PTPRG: variants seen among roughly 807,000 people sequenced by gnomAD.
PTPRG encodes protein tyrosine phosphatase receptor type G, also known as receptor-type tyrosine-protein phosphatase gamma.
In PTPRG, 102 loss-of-function variants were observed where a neutral mutation model predicts 165.3. The ratio of observed to expected loss-of-function variants is 0.62; its 90% confidence interval spans 0.53 to 0.73. The LOEUF is 0.73. PTPRG is among the 30% of genes least tolerant of loss of function. PTPRG has a pLI of 0.00. For missense variants in PTPRG, 1,866 were observed against 1,861.4 expected (o/e 1.00, Z -0.05); for synonymous variants, 675 against 669.5 (o/e 1.01, Z -0.13).
At chr3:61,746,045 CTT>C (rs1283432530) in intron 1 of PTPRG, among the ~76,000 whole-genome samples, 1 of 100,276 alleles carries the variant, frequency 1.0e-5, no homozygotes, top group African/African-American at 3.7e-5. Context: ...CTTTCTTTTT[CTT>C]TTCTTTTTTT....
At chr3:61,790,785 C>G (rs1257221422) in intron 2 of PTPRG, among the ~76,000 whole-genome samples, 1 of 143,314 alleles carries the variant, frequency 7.0e-6, no homozygotes, top group East Asian at 2.1e-4. Context: ...TCCTGAAATT[C>G]AGTTATTCAC....
intron 2 of PTPRG, among the ~76,000 whole-genome samples, chr3:61,887,145 TA>T (rs2038066382): frequency 1.8e-5 from 1 of 56,488 alleles, no homozygotes; most frequent in East Asian, 4.2e-4. Flanking sequence ...TATATATATA[TA>T]TATATATATA....
chr3:62,024,110 TTGAC>T (rs777700512), intron 4 of PTPRG, among the ~76,000 whole-genome samples: 4 of 152,184 alleles, frequency 2.6e-5, no homozygotes, highest in Non-Finnish European at 5.9e-5. Flanking sequence ...AAATATTTTT[TTGAC>T]TGACAACTAT....
intron 2 of PTPRG, among the ~76,000 whole-genome samples, chr3:61,884,904 C>T (rs571265189): frequency 6.6e-6 from 1 of 152,190 alleles, no homozygotes; most frequent in South Asian, 2.1e-4. Context: ...CAAAAGAAAA[C>T]CCCAGGGGAA....
intron 2 of PTPRG, among the ~76,000 whole-genome samples, chr3:61,825,431 C>T (rs2036077505): frequency 6.6e-6 from 1 of 152,012 alleles, no homozygotes; most frequent in South Asian, 2.1e-4. Context: ...GAACATAATA[C>T]AAAGAGGGAA....
intron 2 of PTPRG, among the ~76,000 whole-genome samples, chr3:61,978,112 A>G (rs893419522): frequency 3.9e-5 from 6 of 152,172 alleles, no homozygotes; most frequent in Non-Finnish European, 8.8e-5. Context: ...TCAGCCTCCC[A>G]AAGTGCTGGG....
At chr3:61,668,243 A>C (rs910210169) in intron 1 of PTPRG, among the ~76,000 whole-genome samples, 7 of 152,200 alleles carry the variant, frequency 4.6e-5, no homozygotes, top group Non-Finnish European at 8.8e-5. Flanking sequence ...CATACATTGA[A>C]GGTCCAAGTA....
intron 1 of PTPRG, among the ~76,000 whole-genome samples, chr3:61,563,914 C>G (rs1202928941): frequency 6.6e-6 from 1 of 152,210 alleles, no homozygotes; most frequent in East Asian, 1.9e-4. Context: ...ACCCCCTTTT[C>G]TCTCTGCGCA....
At chr3:61,811,859 G>GT (rs2107211785) in intron 2 of PTPRG, among the ~76,000 whole-genome samples, 1 of 152,244 alleles carries the variant, frequency 6.6e-6, no homozygotes, top group South Asian at 2.1e-4. Context: ...GTTTTATTTT[G>GT]TTCCTCTGCC....
chr3:61,635,660 CTAT>C (rs1268537413), intron 1 of PTPRG, among the ~76,000 whole-genome samples: 1 of 151,990 alleles, frequency 6.6e-6, no homozygotes, highest in African/African-American at 2.4e-5. Flanking sequence ...ATTATTAATA[CTAT>C]TATTATTGTT....
intron 1 of PTPRG, among the ~76,000 whole-genome samples, chr3:61,602,258 C>T (rs1700889654): frequency 6.6e-6 from 1 of 152,028 alleles, no homozygotes; most frequent in African/African-American, 2.4e-5. Context: ...TGGGTTTCCA[C>T]AGTGTCTCGT....
At chr3:62,144,262 C>A (rs1164545561) in intron 6 of PTPRG, among the ~76,000 whole-genome samples, 1 of 152,106 alleles carries the variant, frequency 6.6e-6, no homozygotes. Flanking sequence ...TTGCCTGCAC[C>A]CAGTAATTTG....
rs1326051535 is a variant in PTPRG at position 62,296,480 on chromosome 3, A to G, written c.*3173A>G. The G allele has an allele frequency of 1.3e-5, 2 of 151,810 alleles. No individual in the cohort carries two copies. Among genetic ancestry groups the G allele is most frequent in the Non-Finnish European group, 2.9e-5 (2 of 67,938 alleles). 9.4% of individuals were successfully genotyped at this position (151,810 alleles called of 1,614,324 possible). On this transcript the variant is annotated 3_prime_UTR_variant, in exon 30 of 30. Transcript: ENST00000474889. ...AATTTACCAAAGATACATATTACTA[A>G]TTCTAAGCAAAACTAAAAAAAAAAC...
At chr3:62,017,514 C>T (rs1318657567) in intron 4 of PTPRG, among the ~76,000 whole-genome samples, 3 of 151,560 alleles carry the variant, frequency 2.0e-5, no homozygotes, top group Admixed American at 6.6e-5. Flanking sequence ...CTCCCGGGTT[C>T]ACGCCATTCT....
intron 21 of PTPRG, among the ~76,000 whole-genome samples, 180 bp from the exon 22 acceptor site, chr3:62,272,766 G>A (rs1559741383): frequency 6.6e-6 from 1 of 152,122 alleles, no homozygotes; most frequent in Non-Finnish European, 1.5e-5. Flanking sequence ...TGAACTGGGA[G>A]GCGGAGGTTG....
chr3:61,986,143 A>C (rs1457933128), intron 2 of PTPRG, among the ~76,000 whole-genome samples: 1 of 152,194 alleles, frequency 6.6e-6, no homozygotes, highest in African/African-American at 2.4e-5. Context: ...TGATTGAATC[A>C]TCATATTAAA....
intron 2 of PTPRG, among the ~76,000 whole-genome samples, chr3:61,892,734 T>G (rs2038248318): frequency 6.6e-6 from 1 of 151,640 alleles, no homozygotes; most frequent in Admixed American, 6.6e-5. Flanking sequence ...GAGAATCGCC[T>G]GAACCCGGGA....
intron 1 of PTPRG, among the ~76,000 whole-genome samples, chr3:61,743,559 G>A (rs2106891746): frequency 6.6e-6 from 1 of 152,258 alleles, no homozygotes; most frequent in South Asian, 2.1e-4. Context: ...CCTCTTTGAG[G>A]AGGAGAATGC....
At chr3:62,116,455 A>T (rs964929849) in intron 5 of PTPRG, among the ~76,000 whole-genome samples, 3 of 152,202 alleles carry the variant, frequency 2.0e-5, no homozygotes, top group Non-Finnish European at 4.4e-5. Flanking sequence ...GGATAAATCT[A>T]TCTTGATATT....
Sources: gnomAD v4.1 joint callset for allele counts (sites outside exome capture counted in the v4.1 genomes callset) on GRCh38, gnomAD v4.1.1 for gene constraint, MANE v1.5 for transcripts, NCBI Gene and HGNC (gene_info 2026-07-23, HGNC 2026-07-21) for gene names.